NRCAM: variants seen among roughly 807,000 people sequenced by gnomAD.
NRCAM encodes NgCAM-related cell adhesion molecule.
Under a neutral mutation model 156.5 loss-of-function variants are expected in NRCAM, and 83 were observed. That is an observed-to-expected ratio of 0.53 (90% CI 0.44 to 0.64). The LOEUF is 0.64. Among genes scored for constraint, NRCAM ranks in the 30% least tolerant of loss-of-function variants. The pLI, the probability that NRCAM is intolerant of heterozygous loss-of-function variation, is 0.00. For missense variants in NRCAM, 1,417 were observed against 1,597.3 expected, an observed-to-expected ratio of 0.89 and a Z score of 1.92; for synonymous variants, 538 against 563.9, an observed-to-expected ratio of 0.95 and a Z score of 0.65.
At chr7:108,386,080 A>C (rs997222841) in intron 2 of NRCAM, among the ~76,000 whole-genome samples, 1 of 152,126 alleles carries the variant, frequency 6.6e-6, no homozygotes, top group African/African-American at 2.4e-5. Context: ...CTGTAATGTG[A>C]TAAGTATATA....
At chr7:108,440,057 T>G (rs562699988) in intron 1 of NRCAM, among the ~76,000 whole-genome samples, 20 of 152,260 alleles carry the variant, frequency 1.3e-4, no homozygotes, top group African/African-American at 4.8e-4. Context: ...CATAAGGACT[T>G]GTACGCTAAT....
intron 2 of NRCAM, among the ~76,000 whole-genome samples, chr7:108,338,910 G>A (rs2099241832): frequency 6.7e-6 from 1 of 148,464 alleles, no homozygotes; most frequent in African/African-American, 2.5e-5. Flanking sequence ...GTAACCCGCA[G>A]ATGGCCCAAA....
intron 2 of NRCAM, among the ~76,000 whole-genome samples, chr7:108,396,173 T>C (rs1399495909): frequency 8.5e-5 from 13 of 152,138 alleles, no homozygotes; most frequent in Admixed American, 5.9e-4. Flanking sequence ...AAAAGATTCA[T>C]AGAGACAGAG....
intron 17 of NRCAM, among the ~76,000 whole-genome samples, chr7:108,192,360 T>G (rs918708909): frequency 6.6e-6 from 1 of 152,172 alleles, no homozygotes; most frequent in Non-Finnish European, 1.5e-5. Context: ...TGCCTGATGA[T>G]CTGTCACTGT....
At chr7:108,424,690 T>C (rs1012150243) in intron 1 of NRCAM, among the ~76,000 whole-genome samples, 2 of 152,214 alleles carry the variant, frequency 1.3e-5, no homozygotes, top group East Asian at 1.9e-4. Flanking sequence ...AATTGAATAA[T>C]ATATTCTATC....
At position 108,194,249 on chromosome 7, in the gene NRCAM, A is replaced by T; in HGVS notation, c.1630+13T>A. On this transcript the variant is annotated intron_variant, in intron 16 of 32. Transcript: ENST00000379028. Reference sequence around the variant, plus strand: ...AAGTCATTTAAAAATTAAACACATTACCTCTGCCTTACCTTTGATTTCTAA... The same window carrying T: ...AAGTCATTTAAAAATTAAACACATTTCCTCTGCCTTACCTTTGATTTCTAA... 1 of 1,611,626 alleles carries T rather than the reference A, an allele frequency of 6.2e-7. No individual in the cohort carries two copies. Among genetic ancestry groups the T allele is most frequent in the Non-Finnish European group, 8.5e-7 (1 of 1,178,178 alleles).
chr7:108,427,970 G>A (rs1252014279), intron 1 of NRCAM, among the ~76,000 whole-genome samples: 11 of 152,054 alleles, frequency 7.2e-5, no homozygotes, highest in Non-Finnish European at 7.4e-5. Context: ...AAATATCTCT[G>A]TTGCCAGAGC....
intron 3 of NRCAM, among the ~76,000 whole-genome samples, chr7:108,268,626 GGGGGGGGGT>G (rs1563032837): frequency 4.1e-5 from 2 of 48,498 alleles, no homozygotes; most frequent in African/African-American, 2.2e-4. Context: ...GGGTGGGGGT[GGGGGGGGGT>G]TGGGGGGGGC....
At position 108,373,863 on chromosome 7, in the gene NRCAM, C is replaced by T. The variant is rs2193247; in HGVS notation, c.-174+25573G>A. On this transcript the variant is annotated intron_variant, in intron 2 of 32. Coordinates refer to ENST00000379028, the MANE Select transcript of NRCAM (RefSeq NM_001037132.4). ...TGTTACATGGGAAGTGCCATGGCAA[C>T]CACGTTTATTCTAAATGGGGAATAC... is the stretch of plus-strand genomic sequence containing the variant. Among the ~76,000 whole-genome samples the T allele has an allele frequency of 7.2e-3, 1,100 of 152,232 alleles. 15 individuals are homozygous for T. The highest frequency in any genetic ancestry group is 0.026 in the African/African-American group (1,062 of 41,540).
At chr7:108,267,177 C>A (rs1563025645) in intron 3 of NRCAM, among the ~76,000 whole-genome samples, 1 of 152,198 alleles carries the variant, frequency 6.6e-6, no homozygotes, top group Non-Finnish European at 1.5e-5. Flanking sequence ...CCTCCATGCT[C>A]TAGAAGGAAA....
At chr7:108,393,937 G>T (rs1218150413) in intron 2 of NRCAM, among the ~76,000 whole-genome samples, 1 of 152,196 alleles carries the variant, frequency 6.6e-6, no homozygotes, top group Non-Finnish European at 1.5e-5. Flanking sequence ...CTGCAGGCAG[G>T]ATTTTTACTG....
At chr7:108,323,903 G>C (rs942477541) in intron 2 of NRCAM, among the ~76,000 whole-genome samples, 3 of 152,112 alleles carry the variant, frequency 2.0e-5, no homozygotes, top group African/African-American at 7.2e-5. Context: ...ACTGCGAAAG[G>C]GCTTTGCAGG....
chr7:108,341,724 G>T (rs1305244854), intron 2 of NRCAM, among the ~76,000 whole-genome samples: 1 of 152,066 alleles, frequency 6.6e-6, no homozygotes, highest in Non-Finnish European at 1.5e-5. Flanking sequence ...TACCCCCTTA[G>T]ACCCGAGGCC....
intron 28 of NRCAM, among the ~76,000 whole-genome samples, chr7:108,171,708 T>C (rs2058498204): frequency 6.6e-6 from 1 of 152,160 alleles, no homozygotes; most frequent in Non-Finnish European, 1.5e-5. Flanking sequence ...TTACTCTTTC[T>C]ATACGTTGGT....
intron 3 of NRCAM, among the ~76,000 whole-genome samples, chr7:108,252,290 G>A (rs925115143): frequency 6.6e-6 from 1 of 152,158 alleles, no homozygotes; most frequent in Non-Finnish European, 1.5e-5. Context: ...TGCCAAAGTT[G>A]AACGCACCTC....
chr7:108,373,178 T>C (rs896271093), intron 2 of NRCAM, among the ~76,000 whole-genome samples: 1 of 152,138 alleles, frequency 6.6e-6, no homozygotes, highest in Non-Finnish European at 1.5e-5. Context: ...ACAATGGCGA[T>C]TGCCAAGGGG....
rs1421814193 is a variant in NRCAM, at chr7:108,366,709, T to C, written c.-174+32727A>G. Among the ~76,000 whole-genome samples the C allele has an allele frequency of 2.6e-5, 4 of 152,144 alleles. No homozygotes were observed. The South Asian group carries it at 8.3e-4, about 31-fold the overall frequency. ...CCACAAAAAGTCAACCAAAAGAAAA[T>C]TCACCACAATCTCAAATACTGGTGT... On this transcript the variant is annotated intron_variant, in intron 2 of 32. Coordinates refer to ENST00000379028, the MANE Select transcript of NRCAM (RefSeq NM_001037132.4).
At chr7:108,239,218 C>A (rs1351760997) in intron 4 of NRCAM, among the ~76,000 whole-genome samples, 2 of 152,068 alleles carry the variant, frequency 1.3e-5, no homozygotes, top group African/African-American at 4.8e-5. Context: ...AGGGAGAGCA[C>A]AGTATATATT....
intron 6 of NRCAM, 119 bp from the exon 7 acceptor site, chr7:108,232,641 A>G: frequency 1.5e-6 from 1 of 649,202 alleles, no homozygotes; most frequent in East Asian, 3.0e-5. Context: ...ATATTCAGTA[A>G]GAGAGCAATA....
Sources: allele counts gnomAD v4.1 joint callset (sites outside exome capture counted in the v4.1 genomes callset), GRCh38; gene constraint gnomAD v4.1.1; transcripts MANE v1.5; gene names NCBI Gene and HGNC (gene_info 2026-07-23, HGNC 2026-07-21).